The following LPA variants were observed in gnomAD, a reference collection of about 807,000 sequenced individuals.
The protein encoded by LPA is lipoprotein(a).
A neutral mutation model predicts 197.9 loss-of-function variants in LPA; 199 were observed. The ratio of observed to expected loss-of-function variants is 1.01; its 90% CI spans 0.90 to 1.13. The LOEUF is 1.13. Among genes scored for constraint, LPA ranks in the 50% most tolerant of loss-of-function variants. LPA has a pLI of 0.00. For missense variants in LPA, 1,853 were observed against 1,785.8 expected (o/e 1.04, Z -0.68); for synonymous variants, 715 against 639.5 (o/e 1.12, Z -1.78).
chr6:160,562,453 T>C (rs528811518), intron 28 of LPA, among the ~76,000 whole-genome samples: 1 of 152,354 alleles, frequency 6.6e-6, no homozygotes, highest in East Asian at 1.9e-4. Flanking sequence ...TTTGATGTGC[T>C]GCTGGATTCA....
chr6:160,609,666 AC>A (rs1322005920), intron 16 of LPA, among the ~76,000 whole-genome samples: 1 of 151,906 alleles, frequency 6.6e-6, no homozygotes, highest in Non-Finnish European at 1.5e-5. Context: ...CTTTACTGTG[AC>A]TTGCTTCCCA....
chr6:160,545,618 A>G, intron 32 of LPA, 85 bp from the exon 33 acceptor site: 1 of 826,052 alleles, frequency 1.2e-6, no homozygotes. Context: ...TTTCACATCT[A>G]TTCTTAGAAG....
chr6:160,634,541 C>G (rs1208311037), intron 7 of LPA, among the ~76,000 whole-genome samples: 1 of 141,804 alleles, frequency 7.1e-6, no homozygotes, highest in Non-Finnish European at 1.5e-5. Flanking sequence ...CTAGACCCCT[C>G]ACAGGTACAA....
chr6:160,555,657 AG>A (rs1482053236), intron 30 of LPA, among the ~76,000 whole-genome samples: 3 of 151,848 alleles, frequency 2.0e-5, no homozygotes, highest in African/African-American at 7.3e-5. Context: ...AATGGCAAAA[AG>A]CCTTCATTTC....
chr6:160,611,799 G>C, intron 15 of LPA, 78 bp from the exon 16 acceptor site: 3 of 1,170,160 alleles, frequency 2.6e-6, no homozygotes, highest in Non-Finnish European at 1.2e-6. Flanking sequence ...GACACAACCA[G>C]AAAGGAGTCT....
chr6:160,531,887 C>T lies in LPA; in HGVS notation c.5965G>A (p.Asp1989Asn). The change falls in exon 39 of 39, where the codon GAC (aspartate) becomes AAC (asparagine). Residue 1989 changes from aspartate (D) to asparagine (N), a missense_variant. This residue lies in a region of LPA where 1,737 missense variants were observed against 1,504.4 expected (regional missense o/e 1.15). Coordinates refer to ENST00000316300, the MANE Select transcript of LPA (RefSeq NM_005577.4). Reference sequence around the variant, plus strand: ...AAGCAAACCAGAGGCCCTCCACTGTCACCCTAAACAGAGGTAGGGGAAAAT... The same window carrying T: ...AAGCAAACCAGAGGCCCTCCACTGTTACCCTAAACAGAGGTAGGGGAAAAT... ...LARGTDSCQG[D>N]SGGPLVCFEK... The T allele has an allele frequency of 1.9e-6, 3 of 1,614,046 alleles. No individual in the cohort carries two copies. Among genetic ancestry groups the T allele is most frequent in the Non-Finnish European group, 2.5e-6 (3 of 1,179,938 alleles).
At chr6:160,537,338 C>T (rs1583564164) in intron 37 of LPA, among the ~76,000 whole-genome samples, 1 of 152,224 alleles carries the variant, frequency 6.6e-6, no homozygotes, top group Non-Finnish European at 1.5e-5. Context: ...GCTTCAGGTC[C>T]CCTGCCTAAC....
At chr6:160,600,631 A>T (rs900420026) in intron 19 of LPA, among the ~76,000 whole-genome samples, 2 of 152,162 alleles carry the variant, frequency 1.3e-5, no homozygotes, top group African/African-American at 4.8e-5. Flanking sequence ...TTACAATAAG[A>T]ATTTTGTCTA....
chr6:160,593,560 A>T (rs1226649694), intron 22 of LPA, among the ~76,000 whole-genome samples: 2 of 152,156 alleles, frequency 1.3e-5, no homozygotes, highest in Non-Finnish European at 2.9e-5. Flanking sequence ...GATATCCTTT[A>T]TTTGTTGCCC....
chr6:160,573,066 G>A (rs566342762), intron 28 of LPA, among the ~76,000 whole-genome samples: 2 of 152,180 alleles, frequency 1.3e-5, no homozygotes, highest in South Asian at 2.1e-4. Context: ...CAGGAGCCAC[G>A]ATTATTCTTA....
At chr6:160,652,525 C>T (rs1004545475) in intron 1 of LPA, among the ~76,000 whole-genome samples, 6 of 152,172 alleles carry the variant, frequency 3.9e-5, no homozygotes, top group Non-Finnish European at 7.4e-5. Flanking sequence ...ACAGCAGTCC[C>T]GTGCTATAAG....
intron 28 of LPA, among the ~76,000 whole-genome samples, chr6:160,563,530 G>T (rs530448118): frequency 1.3e-5 from 2 of 152,312 alleles, no homozygotes; most frequent in South Asian, 2.1e-4. Flanking sequence ...GTGCTGAGAA[G>T]AATGTATATT....
intron 16 of LPA, among the ~76,000 whole-genome samples, chr6:160,609,402 G>C (rs1335088869): frequency 6.6e-6 from 1 of 152,040 alleles, no homozygotes; most frequent in Non-Finnish European, 1.5e-5. Context: ...TTAGCAATTT[G>C]TATCACTGTA....
In LPA at chr6:160,589,898, G is replaced by T. The variant is rs1778993210; in HGVS notation, c.3788-186C>A. The stretch of plus-strand genomic sequence containing the variant: ...ATTCATAGCATTCTGGAACTTCAAT[G>T]AGTTTTTAGAAAGATTTTCTTTAAA... On this transcript the variant is annotated intron_variant, in intron 23 of 38. Transcript: ENST00000316300. Among the ~76,000 whole-genome samples, 3 of 152,202 alleles carry T rather than the reference G, an allele frequency of 2.0e-5. 1 individual carries two copies. In the East Asian group the frequency reaches 5.8e-4, roughly 29 times the overall value.
intron 2 of LPA, among the ~76,000 whole-genome samples, chr6:160,649,504 C>A (rs1779966030): frequency 6.6e-6 from 1 of 152,160 alleles, no homozygotes; most frequent in African/African-American, 2.4e-5. Context: ...ACTCCAATGT[C>A]CCTCCTCTGT....
intron 4 of LPA, among the ~76,000 whole-genome samples, chr6:160,643,083 A>AATTTGT (rs1332336973): frequency 0.049 from 6,224 of 127,754 alleles, 1 homozygote; most frequent in African/African-American, 0.13. Flanking sequence ...GTGTGTTTTC[A>AATTTGT]GTGTGTGTGT....
intron 26 of LPA, among the ~76,000 whole-genome samples, chr6:160,583,284 G>A (rs939870976): frequency 1.3e-5 from 2 of 152,070 alleles, no homozygotes; most frequent in African/African-American, 2.4e-5. Flanking sequence ...ATATAATTGA[G>A]CAATTTAATT....
intron 35 of LPA, 66 bp downstream of exon 35, chr6:160,541,041 G>A (rs1191432974): frequency 1.5e-6 from 2 of 1,321,704 alleles, no homozygotes; most frequent in Admixed American, 1.7e-5. Context: ...AAGAAGGGAT[G>A]GAGGAAGAGA....
intron 37 of LPA, among the ~76,000 whole-genome samples, chr6:160,533,320 A>G (rs962395201): frequency 3.3e-5 from 5 of 152,222 alleles, no homozygotes; most frequent in Admixed American, 1.3e-4. Flanking sequence ...CTAAGAATCA[A>G]CCTTTCCAGG....
Sources: allele counts gnomAD v4.1 joint callset (sites outside exome capture counted in the v4.1 genomes callset), GRCh38; gene constraint gnomAD v4.1.1; regional missense constraint gnomAD v4.1.1; transcripts MANE v1.5; gene names NCBI Gene and HGNC (gene_info 2026-07-23, HGNC 2026-07-21).